The following VOPP1 variants were observed in gnomAD, a reference collection of about 807,000 sequenced individuals.
The protein encoded by VOPP1 is VOPP1 WW domain binding protein, also known as WW domain binding protein VOPP1.
Under a neutral mutation model 23.5 loss-of-function variants are expected in VOPP1, and 8 were observed. The ratio of observed to expected loss-of-function variants is 0.34; its 90% CI spans 0.20 to 0.61. VOPP1 has a LOEUF of 0.61. Ranked by LOEUF, VOPP1 falls within the 20% of genes least tolerant of loss-of-function variation. The pLI is 0.78. For missense variants in VOPP1, 174 were observed against 238.1 expected (o/e 0.73, Z 1.77); for synonymous variants, 83 against 97.3 (o/e 0.85, Z 0.86).
chr7:55,557,953 C>T (rs1372575000), intron 1 of VOPP1, among the ~76,000 whole-genome samples: 3 of 152,124 alleles, frequency 2.0e-5, no homozygotes, highest in African/African-American at 7.2e-5. Flanking sequence ...GGGCCAAAGA[C>T]GTTCTAATCA....
chr7:55,525,211 C>A (rs1017003339), intron 1 of VOPP1, among the ~76,000 whole-genome samples: 2 of 152,142 alleles, frequency 1.3e-5, no homozygotes, highest in Non-Finnish European at 2.9e-5. Flanking sequence ...AGACTCTCGG[C>A]CGGGCGCGGT....
In VOPP1 at chr7:55,497,709, G is replaced by C. The variant is rs768557629; in HGVS notation, c.114-19C>G. On this transcript the variant is annotated intron_variant, in intron 2 of 4. Coordinates refer to ENST00000285279, the MANE Select transcript of VOPP1 (RefSeq NM_030796.5). The stretch of plus-strand genomic sequence containing the variant: ...GCGGCATCTGTGGAGAGAGGCACAG[G>C]CTGGTCAGCACTGAATTGGAAGCAG... 2.5e-6 allele frequency: 4 copies of C among 1,612,850 alleles called. No individual in the cohort carries two copies. Among genetic ancestry groups the C allele is most frequent in the East Asian group, 2.2e-5 (1 of 44,874 alleles).
At chr7:55,547,407 T>G (rs771670163) in intron 1 of VOPP1, among the ~76,000 whole-genome samples, 7 of 152,170 alleles carry the variant, frequency 4.6e-5, no homozygotes, top group Non-Finnish European at 7.3e-5. Context: ...GGAGTGAAAT[T>G]TGGGCTAATT....
intron 4 of VOPP1, among the ~76,000 whole-genome samples, chr7:55,478,100 G>A (rs1792409385): frequency 6.6e-6 from 1 of 152,188 alleles, no homozygotes; most frequent in Admixed American, 6.5e-5. Flanking sequence ...ACTCATTTAG[G>A]AAAGAGAAAG....
intron 2 of VOPP1, among the ~76,000 whole-genome samples, chr7:55,502,522 C>T (rs1037146510): frequency 1.3e-5 from 2 of 152,196 alleles, no homozygotes; most frequent in Non-Finnish European, 1.5e-5. Context: ...CCCAGCTACT[C>T]GAAGGAGCAC....
downstream of VOPP1, among the ~76,000 whole-genome samples, chr7:55,466,142 G>A (rs1031799026): frequency 3.3e-5 from 5 of 152,264 alleles, no homozygotes; most frequent in African/African-American, 1.2e-4. Context: ...ACCAGACACC[G>A]AACCTACTGC....
chr7:55,511,386 A>G (rs1388716231), intron 2 of VOPP1, among the ~76,000 whole-genome samples: 1 of 152,246 alleles, frequency 6.6e-6, no homozygotes, highest in Non-Finnish European at 1.5e-5. Flanking sequence ...AAAATATATG[A>G]AACATCATAC....
chr7:55,521,919 T>C, intron 1 of VOPP1: 1 of 985,332 alleles, frequency 1.0e-6, no homozygotes, highest in Non-Finnish European at 1.2e-6. Flanking sequence ...AATTATTCCA[T>C]TCGTGCTGTC....
At chr7:55,525,986 T>C (rs1796170352) in intron 1 of VOPP1, among the ~76,000 whole-genome samples, 1 of 152,174 alleles carries the variant, frequency 6.6e-6, no homozygotes, top group South Asian at 2.1e-4. Flanking sequence ...TCAACTGCTT[T>C]CTGTTACCTA....
intron 4 of VOPP1, among the ~76,000 whole-genome samples, chr7:55,491,937 C>A (rs115267870): frequency 6.6e-6 from 1 of 152,100 alleles, no homozygotes; most frequent in African/African-American, 2.4e-5. Context: ...TCCAGAAGCA[C>A]TAAAAATGGC....
intron 2 of VOPP1, among the ~76,000 whole-genome samples, chr7:55,518,946 T>C (rs958109259): frequency 5.3e-5 from 8 of 152,090 alleles, no homozygotes; most frequent in African/African-American, 1.9e-4. Flanking sequence ...CAGATGTGGA[T>C]TCGGGTGAGG....
chr7:55,513,071 C>G (rs117107361), intron 2 of VOPP1, among the ~76,000 whole-genome samples: 6 of 152,238 alleles, frequency 3.9e-5, no homozygotes, highest in Non-Finnish European at 8.8e-5. Flanking sequence ...AATATAAGCA[C>G]TTTAAAAAGA....
chr7:55,552,912 G>A (rs181578261), intron 1 of VOPP1: 28 of 1,097,724 alleles, frequency 2.6e-5, no homozygotes, highest in Admixed American at 1.4e-4. Flanking sequence ...AAAATTATAC[G>A]TGCTGCTAGC....
chr7:55,560,689 T>C (rs1263764789), intron 1 of VOPP1, among the ~76,000 whole-genome samples: 3 of 152,206 alleles, frequency 2.0e-5, no homozygotes, highest in African/African-American at 7.2e-5. Flanking sequence ...TTGTAGTCAC[T>C]TGTTATAGCA....
intron 1 of VOPP1, among the ~76,000 whole-genome samples, chr7:55,547,150 T>G (rs1797401469): frequency 6.6e-6 from 1 of 152,168 alleles, no homozygotes; most frequent in African/African-American, 2.4e-5. Flanking sequence ...AGTGGTGGGT[T>G]GGGTCTTGAT....
At chr7:55,531,467 A>G (rs1007233209) in intron 1 of VOPP1, among the ~76,000 whole-genome samples, 1 of 150,150 alleles carries the variant, frequency 6.7e-6, no homozygotes, top group Non-Finnish European at 1.5e-5. Context: ...CTCTTGCCCC[A>G]GCCTCCCAAG....
chr7:55,469,731 A>C (rs1427339890), downstream of VOPP1, among the ~76,000 whole-genome samples: 1 of 152,138 alleles, frequency 6.6e-6, no homozygotes, highest in Non-Finnish European at 1.5e-5. Context: ...ATGGCCTACT[A>C]ATTTGGGGGA....
rs151275845 is a variant in VOPP1, at chr7:55,551,931, T to G, written c.54+20340A>C. 9.4e-3 allele frequency among the ~76,000 whole-genome samples: 1,413 copies of G among 150,116 alleles called. 25 individuals carry two copies. Among genetic ancestry groups the G allele is most frequent in the African/African-American group, 0.033 (1,347 of 40,430 alleles). ...GGCGCATGCCTATAGTTGCAGCTAC[T>G]TGGGGGTCTGAGGCATGAGAATCGC... On this transcript the variant is annotated intron_variant, in intron 1 of 4. Coordinates refer to ENST00000285279, the MANE Select transcript of VOPP1 (RefSeq NM_030796.5).
chr7:55,530,232 T>A (rs1247171997), intron 1 of VOPP1, among the ~76,000 whole-genome samples: 1 of 152,152 alleles, frequency 6.6e-6, no homozygotes, highest in Non-Finnish European at 1.5e-5. Flanking sequence ...AGGGCTCCAG[T>A]CTCTCCACAT....
Sources: gnomAD v4.1 joint callset for allele counts (sites outside exome capture counted in the v4.1 genomes callset) on GRCh38, gnomAD v4.1.1 for gene constraint, MANE v1.5 for transcripts, NCBI Gene and HGNC (gene_info 2026-07-23, HGNC 2026-07-21) for gene names.